The following SORCS2 variants were observed in gnomAD, a reference collection of about 807,000 sequenced individuals.
SORCS2 encodes the protein VPS10 domain-containing receptor SorCS2.
Under a neutral mutation model 141.6 loss-of-function variants are expected in SORCS2, and 100 were observed. The ratio of observed to expected loss-of-function variants is 0.71; its 90% CI spans 0.60 to 0.83. The LOEUF (loss-of-function observed/expected upper bound fraction) is 0.83. SORCS2 is among the 40% of genes least tolerant of loss of function. SORCS2 has a pLI of 0.00. For synonymous variants in SORCS2, 789 were observed against 676.9 expected (o/e 1.17, Z -2.57); for missense variants, 1,646 against 1,560.2 (o/e 1.05, Z -0.93).
chr4:7,687,275 C>G (rs888209238), intron 10 of SORCS2, among the ~76,000 whole-genome samples: 20 of 152,140 alleles, frequency 1.3e-4, no homozygotes, highest in African/African-American at 4.8e-4. Context: ...GCGCAGAAGC[C>G]CAACCCTGCC....
chr4:7,636,244 G>T (rs1020995047), intron 3 of SORCS2, among the ~76,000 whole-genome samples: 2 of 148,606 alleles, frequency 1.3e-5, no homozygotes, highest in Non-Finnish European at 1.5e-5. Flanking sequence ...TTTGGGACTT[G>T]CTTTGGGTCC....
intron 1 of SORCS2, among the ~76,000 whole-genome samples, chr4:7,203,356 G>A (rs184043471): frequency 1.3e-5 from 2 of 152,346 alleles, no homozygotes; most frequent in East Asian, 1.9e-4. Context: ...TCAGGGAGAC[G>A]GAGATTGTAG....
At chr4:7,527,368 C>A (rs1000310813) in intron 2 of SORCS2, among the ~76,000 whole-genome samples, 2 of 152,216 alleles carry the variant, frequency 1.3e-5, no homozygotes, top group Non-Finnish European at 2.9e-5. Context: ...CCTTTGTAAT[C>A]ACAAGGAGGG....
chr4:7,689,616 G>T (rs1054254258), intron 11 of SORCS2, 28 bp downstream of exon 11: 37 of 1,551,140 alleles, frequency 2.4e-5, no homozygotes, highest in Non-Finnish European at 3.1e-5. Flanking sequence ...CAGGTGGCTG[G>T]CAGGTGCCAT....
intron 22 of SORCS2, 144 bp downstream of exon 22, chr4:7,728,606 G>A (rs1727387276): frequency 3.3e-6 from 2 of 612,440 alleles, no homozygotes; most frequent in South Asian, 2.1e-5. Flanking sequence ...GGCCAGCTGG[G>A]GATGTTGAAA....
intron 2 of SORCS2, among the ~76,000 whole-genome samples, chr4:7,492,243 C>T (rs1261902285): frequency 6.6e-6 from 1 of 152,240 alleles, no homozygotes; most frequent in Non-Finnish European, 1.5e-5. Flanking sequence ...CCCTGCCTCG[C>T]CCAGCCCCCG....
chr4:7,496,435 C>G (rs1471793656), intron 2 of SORCS2, among the ~76,000 whole-genome samples: 20 of 43,878 alleles, frequency 4.6e-4, no homozygotes, highest in Non-Finnish European at 1.1e-3. Context: ...GAGCCCCCCC[C>G]CCCCACTCCC....
intron 1 of SORCS2, among the ~76,000 whole-genome samples, chr4:7,224,306 A>C (rs1282885063): frequency 6.6e-6 from 1 of 152,250 alleles, no homozygotes; most frequent in Non-Finnish European, 1.5e-5. Flanking sequence ...TCAAGTGTGA[A>C]GACAAATGCA....
Position 7,665,336 on chromosome 4 carries a change from G to T in SORCS2, c.1071+865G>T, listed in dbSNP as rs543309643. Among the ~76,000 whole-genome samples the T allele has an allele frequency of 2.0e-5, 3 of 152,294 alleles. No individual in the cohort carries two copies. In the South Asian group the frequency reaches 6.2e-4, roughly 32 times the overall value. ...ATCCCATCCCCCACTGTTAAAGCAG[G>T]CCAGACAGGAGGCTGCTGCTGCCAC... On this transcript the variant is annotated intron_variant, in intron 7 of 26. Transcript: ENST00000507866.
chr4:7,250,612 G>A (rs780911206), intron 1 of SORCS2, among the ~76,000 whole-genome samples: 1 of 152,264 alleles, frequency 6.6e-6, no homozygotes, highest in Non-Finnish European at 1.5e-5. Flanking sequence ...AGAGGCAGAT[G>A]TTGAGGCCAT....
At chr4:7,401,723 A>C (rs1245523629) in intron 2 of SORCS2, among the ~76,000 whole-genome samples, 1 of 152,116 alleles carries the variant, frequency 6.6e-6, no homozygotes, top group Non-Finnish European at 1.5e-5. Context: ...GGACCACACT[A>C]ATGCTGGGCC....
At chr4:7,620,823 C>G (rs1719115995) in intron 3 of SORCS2, among the ~76,000 whole-genome samples, 1 of 152,148 alleles carries the variant, frequency 6.6e-6, no homozygotes, top group Admixed American at 6.5e-5. Context: ...TGGGGGGTCT[C>G]CCCTGCACTC....
At chr4:7,724,870 A>AGTGGTGATGATGGTAGTAGTGGTGATG (rs1727055772) in intron 19 of SORCS2, among the ~76,000 whole-genome samples, 1 of 77,520 alleles carries the variant, frequency 1.3e-5, no homozygotes, top group Non-Finnish European at 2.4e-5. Flanking sequence ...TGGTGGTGGT[A>AGTGGTGATGATGGTAGTAGTGGTGATG]GTGGTGATGG....
At chr4:7,249,010 G>T (rs888955320) in intron 1 of SORCS2, among the ~76,000 whole-genome samples, 3 of 152,224 alleles carry the variant, frequency 2.0e-5, no homozygotes, top group Admixed American at 6.5e-5. Context: ...TGGTATGTGG[G>T]ATTATGCAGT....
intron 1 of SORCS2, among the ~76,000 whole-genome samples, chr4:7,197,583 A>T (rs1214972982): frequency 6.6e-6 from 1 of 152,218 alleles, no homozygotes; most frequent in Non-Finnish European, 1.5e-5. Flanking sequence ...GGAGATGGAG[A>T]ACATTCCAGA....
intron 1 of SORCS2, among the ~76,000 whole-genome samples, chr4:7,373,531 C>G (rs999313697): frequency 8.2e-6 from 1 of 121,388 alleles, no homozygotes; most frequent in African/African-American, 3.3e-5. Flanking sequence ...CTCTGTCACC[C>G]TGGAATGCCG....
At chr4:7,309,970 G>A (rs2108918816) in intron 1 of SORCS2, among the ~76,000 whole-genome samples, 1 of 152,372 alleles carries the variant, frequency 6.6e-6, no homozygotes, top group South Asian at 2.1e-4. Flanking sequence ...TCAAGGAGCA[G>A]GCGCTGGGAA....
intron 1 of SORCS2, among the ~76,000 whole-genome samples, chr4:7,294,557 G>T (rs377699069): frequency 1.3e-5 from 2 of 151,606 alleles, no homozygotes; most frequent in Non-Finnish European, 2.9e-5. Flanking sequence ...GGTGCAGGGG[G>T]TGCTCTGGGA....
At chr4:7,471,295 G>T (rs567671930) in intron 2 of SORCS2, among the ~76,000 whole-genome samples, 2 of 152,334 alleles carry the variant, frequency 1.3e-5, no homozygotes, top group Non-Finnish European at 2.9e-5. Context: ...TGCTCTCAAA[G>T]GGCAATGTTG....
Sources: allele counts gnomAD v4.1 joint callset (sites outside exome capture counted in the v4.1 genomes callset), GRCh38; gene constraint gnomAD v4.1.1; transcripts MANE v1.5; gene names NCBI Gene and HGNC (gene_info 2026-07-23, HGNC 2026-07-21).